SNX13: variants seen among roughly 807,000 people sequenced by gnomAD.
The protein encoded by SNX13 is sorting nexin 13.
In SNX13, 45 loss-of-function variants were observed where a neutral mutation model predicts 133.6. The observed-to-expected ratio is 0.34, with a 90% CI of 0.27 to 0.43. The LOEUF (loss-of-function observed/expected upper bound fraction) is 0.43, where lower values mean the gene tolerates loss of function less well. SNX13 is among the 20% of genes least tolerant of loss of function. SNX13 has a pLI of 1.00. For synonymous variants in SNX13, 414 were observed against 373.9 expected, an observed-to-expected ratio of 1.11 and a Z score of -1.24; for missense variants, 1,032 against 1,145.1, an observed-to-expected ratio of 0.90 and a Z score of 1.43.
intron 22 of SNX13, among the ~76,000 whole-genome samples, chr7:17,801,263 A>G (rs1784616516): frequency 6.6e-6 from 1 of 151,666 alleles, no homozygotes. Flanking sequence ...TGAGCAAAAA[A>G]AAGTCAGACT....
chr7:17,890,519 T>C, intron 4 of SNX13, 35 bp from the exon 5 acceptor site: 1 of 1,498,626 alleles, frequency 6.7e-7, no homozygotes, highest in Non-Finnish European at 9.0e-7. Flanking sequence ...AATTACAACA[T>C]TTTAGGATTT....
intron 20 of SNX13, among the ~76,000 whole-genome samples, chr7:17,803,879 C>CT (rs1784898348): frequency 1.7e-5 from 2 of 116,556 alleles, no homozygotes; most frequent in African/African-American, 3.7e-5. Flanking sequence ...GACCCCATCT[C>CT]TAAAAAAAAA....
intron 15 of SNX13, chr7:17,832,601 C>A: frequency 6.5e-6 from 3 of 461,538 alleles, no homozygotes; most frequent in Non-Finnish European, 8.5e-6. Flanking sequence ...TTCATAGCAT[C>A]TCTATAAAAG....
At chr7:17,816,848 T>G (rs1786719074) in intron 18 of SNX13, among the ~76,000 whole-genome samples, 1 of 152,234 alleles carries the variant, frequency 6.6e-6, no homozygotes, top group Non-Finnish European at 1.5e-5. Flanking sequence ...TGAAGATGGA[T>G]TTTGACTATG....
chr7:17,832,131 GATAT>G, intron 15 of SNX13: 5 of 984,034 alleles, frequency 5.1e-6, no homozygotes, highest in Non-Finnish European at 6.0e-6. Flanking sequence ...CTCAATAACT[GATAT>G]ATAAGAGAAG....
At chr7:17,852,200 C>T (rs1005030396) in intron 9 of SNX13, among the ~76,000 whole-genome samples, 10 of 152,118 alleles carry the variant, frequency 6.6e-5, no homozygotes, top group African/African-American at 2.4e-4. Flanking sequence ...ATGGTGAAAC[C>T]CCGTCTCTAC....
chr7:17,895,019 T>G, intron 2 of SNX13, among the ~76,000 whole-genome samples: 1 of 152,202 alleles, frequency 6.6e-6, no homozygotes, highest in Non-Finnish European at 1.5e-5. Context: ...ATATCTGATA[T>G]TATTATTAAG....
At chr7:17,877,222 CT>C (rs530689373) in intron 5 of SNX13, among the ~76,000 whole-genome samples, 86 of 152,016 alleles carry the variant, frequency 5.7e-4, no homozygotes, top group African/African-American at 2.0e-3. Context: ...AGGTGGATCC[CT>C]AAGCTCAGTA....
chr7:17,852,672 T>A (rs1036565199), intron 9 of SNX13, among the ~76,000 whole-genome samples: 13 of 152,204 alleles, frequency 8.5e-5, no homozygotes, highest in Admixed American at 6.5e-4. Context: ...ACTTCTTTCA[T>A]CTTCTTTTTA....
rs187959280 is a variant in SNX13 at position 17,792,969 on chromosome 7, T to A, written c.*1076A>T. Reference sequence around the variant, plus strand: ...ATGTGAAATATAAATAAAAGCATATTTTTAAAAATATTATAGTTCTTTTTT... The same window carrying A: ...ATGTGAAATATAAATAAAAGCATATATTTAAAAATATTATAGTTCTTTTTT... On this transcript the variant is annotated 3_prime_UTR_variant, in exon 26 of 26. Transcript: ENST00000428135. 9 of 152,436 alleles carry A rather than the reference T, an allele frequency of 5.9e-5. No individual in the cohort carries two copies. The East Asian group carries it at 1.7e-3, about 29-fold the overall frequency. 9.4% of individuals were successfully genotyped at this position (152,436 alleles called of 1,614,324 possible).
chr7:17,908,511 C>T (rs1244669899), intron 1 of SNX13, among the ~76,000 whole-genome samples: 1 of 152,148 alleles, frequency 6.6e-6, no homozygotes, highest in Non-Finnish European at 1.5e-5. Context: ...ATGAAGCAAA[C>T]CTTCCCTCAT....
chr7:17,914,435 A>T (rs1799327575), intron 1 of SNX13, among the ~76,000 whole-genome samples: 1 of 152,218 alleles, frequency 6.6e-6, no homozygotes, highest in African/African-American at 2.4e-5. Context: ...ACACATAGTA[A>T]TCAGACCATC....
chr7:17,918,612 G>A (rs1363716381), intron 1 of SNX13, among the ~76,000 whole-genome samples: 3 of 152,120 alleles, frequency 2.0e-5, no homozygotes, highest in Non-Finnish European at 4.4e-5. Context: ...AATAACAGAT[G>A]TTTGTGAGGT....
chr7:17,887,531 C>T (rs1458289707), intron 5 of SNX13, among the ~76,000 whole-genome samples: 1 of 152,170 alleles, frequency 6.6e-6, no homozygotes, highest in Admixed American at 6.5e-5. Context: ...CACTCTCCCA[C>T]ACATGATGTC....
intron 11 of SNX13, among the ~76,000 whole-genome samples, chr7:17,848,670 G>A (rs984426890): frequency 1.3e-5 from 2 of 152,332 alleles, no homozygotes; most frequent in African/African-American, 2.4e-5. Context: ...CTCGCGAGGG[G>A]TGGAATACAG....
At position 17,793,911 on chromosome 7, in the gene SNX13, TG is replaced by T; in HGVS notation, c.*133del. 1 of 909,348 alleles carries T rather than the reference TG, an allele frequency of 1.1e-6. No homozygotes were observed. The highest frequency in any genetic ancestry group is 1.6e-6 in the Non-Finnish European group (1 of 612,592). The allele number at this position is 909,348 out of a possible 1,614,324, so 56.3% of individuals were successfully genotyped here. ...GAGAATGAGAAGAACCACAGACTTA[TG>T]GATGTATTAATAATCTATTTTGAGA... On this transcript the variant is annotated 3_prime_UTR_variant, in exon 26 of 26. Transcript: ENST00000428135.
chr7:17,910,960 T>TA (rs1243452028), intron 1 of SNX13, among the ~76,000 whole-genome samples: 1 of 152,168 alleles, frequency 6.6e-6, no homozygotes, highest in African/African-American at 2.4e-5. Context: ...TGACACTAAT[T>TA]AGAGGTGGTG....
Position 17,839,948 on chromosome 7 carries a change from C to T in SNX13, c.1218G>A (p.Val406=). 1.2e-6 allele frequency: 2 copies of T among 1,611,718 alleles called. No individual in the cohort carries two copies. Among genetic ancestry groups the T allele is most frequent in the Non-Finnish European group, 1.7e-6 (2 of 1,178,498 alleles). The change falls in exon 13 of 26, where the codon GTG becomes GTA. Residue 406 remains valine (V), a synonymous_variant. Coordinates refer to ENST00000428135, the MANE Select transcript of SNX13 (RefSeq NM_015132.5). Reference sequence around the variant, plus strand: ...GTTGGGCGGTAACCCGGTATCCTTCCACTGTCATCCAAAAGAATAGATGTG... The same window carrying T: ...GTTGGGCGGTAACCCGGTATCCTTCTACTGTCATCCAAAAGAATAGATGTG... ...GQAHLFFWMT[V]EGYRVTAQQQ...
chr7:17,919,906 G>A lies in SNX13; in HGVS notation c.12+20378C>T, dbSNP rs544205487. The stretch of plus-strand genomic sequence containing the variant: ...AGGACTTTGGGAGGCCAAGGCAGTA[G>A]GATCATTTGAGGCCAGGAGTTCAAA... On this transcript the variant is annotated intron_variant, in intron 1 of 25. Coordinates refer to ENST00000428135, the MANE Select transcript of SNX13 (RefSeq NM_015132.5). Among the ~76,000 whole-genome samples, 6 of 152,162 alleles carry A rather than the reference G, an allele frequency of 3.9e-5. No homozygotes were observed. The East Asian group carries it at 1.2e-3, about 29-fold the overall frequency.
Sources: allele counts gnomAD v4.1 joint callset (sites outside exome capture counted in the v4.1 genomes callset), GRCh38; gene constraint gnomAD v4.1.1; transcripts MANE v1.5; gene names NCBI Gene and HGNC (gene_info 2026-07-23, HGNC 2026-07-21).